The following MBNL1 variants were observed in gnomAD, a reference collection of about 807,000 sequenced individuals.
The protein encoded by MBNL1 is muscleblind-like protein 1.
In MBNL1, 8 loss-of-function variants were observed where a neutral mutation model predicts 42.2. That is an observed-to-expected ratio of 0.19 (90% CI 0.11 to 0.34). The LOEUF (loss-of-function observed/expected upper bound fraction) is 0.34, where lower values mean the gene tolerates loss of function less well. Among genes scored for constraint, MBNL1 ranks in the 10% least tolerant of loss-of-function variants. MBNL1 has a pLI of 1.00. For missense variants in MBNL1, 309 were observed against 495.3 expected (o/e 0.62, Z 3.57); for synonymous variants, 169 against 173.9 (o/e 0.97, Z 0.22).
chr3:152,329,290 C>T (rs939097438), intron 2 of MBNL1, among the ~76,000 whole-genome samples: 1 of 151,698 alleles, frequency 6.6e-6, no homozygotes, highest in Non-Finnish European at 1.5e-5. Context: ...TTATAAAATG[C>T]CTGTTAAAAT....
At chr3:152,250,194 G>A (rs369629282) in intron 2 of MBNL1, among the ~76,000 whole-genome samples, 2 of 151,104 alleles carry the variant, frequency 1.3e-5, no homozygotes, top group African/African-American at 2.4e-5. Flanking sequence ...CATTGAATCT[G>A]TAAATTACCT....
At chr3:152,340,262 C>T in intron 2 of MBNL1, 1 of 365,440 alleles carries the variant, frequency 2.7e-6, no homozygotes, top group Non-Finnish European at 4.9e-6. Context: ...GTCGAGGCTG[C>T]AGGCATCACT....
At chr3:152,349,754 T>C (rs2094719108) in intron 2 of MBNL1, among the ~76,000 whole-genome samples, 1 of 133,376 alleles carries the variant, frequency 7.5e-6, no homozygotes, top group African/African-American at 2.9e-5. Context: ...GCACAGTAAA[T>C]TGTCTGTGTG....
intron 2 of MBNL1, among the ~76,000 whole-genome samples, chr3:152,364,674 T>A (rs2096245408): frequency 6.6e-6 from 1 of 152,134 alleles, no homozygotes; most frequent in African/African-American, 2.4e-5. Flanking sequence ...CAAACCCAGT[T>A]TTACTAACAT....
At chr3:152,430,284 T>G (rs750325223) in intron 3 of MBNL1, among the ~76,000 whole-genome samples, 50 of 152,336 alleles carry the variant, frequency 3.3e-4, no homozygotes, top group Middle Eastern at 3.4e-3. Context: ...CATTTTTAAA[T>G]TTGACCTTTG....
At chr3:152,452,504 A>G (rs1725381254) in intron 6 of MBNL1, among the ~76,000 whole-genome samples, 1 of 152,094 alleles carries the variant, frequency 6.6e-6, no homozygotes, top group South Asian at 2.1e-4. Flanking sequence ...CTCACTGCTG[A>G]TGTGATCATT....
chr3:152,361,333 A>G (rs1017563097), intron 2 of MBNL1, among the ~76,000 whole-genome samples: 1 of 151,880 alleles, frequency 6.6e-6, no homozygotes, highest in African/African-American at 2.4e-5. Flanking sequence ...ATGGAAACAG[A>G]AGACAGAGAG....
chr3:152,456,915 T>C (rs1326030755), intron 8 of MBNL1, among the ~76,000 whole-genome samples: 1 of 152,166 alleles, frequency 6.6e-6, no homozygotes, highest in Admixed American at 6.5e-5. Flanking sequence ...TTATTCTCAA[T>C]GCTTTCAGTG....
At chr3:152,324,117 C>G (rs1257491178) in intron 2 of MBNL1, among the ~76,000 whole-genome samples, 1 of 152,132 alleles carries the variant, frequency 6.6e-6, no homozygotes, top group African/African-American at 2.4e-5. Context: ...AATCGTTTAG[C>G]AGGAAATCAC....
intron 2 of MBNL1, among the ~76,000 whole-genome samples, chr3:152,248,877 T>C (rs2149374324): frequency 6.6e-6 from 1 of 152,180 alleles, no homozygotes; most frequent in Non-Finnish European, 1.5e-5. Context: ...GTTTGGTTTT[T>C]TGTTCTTGCG....
At position 152,391,358 on chromosome 3, in the gene MBNL1, G is replaced by A. The variant is rs532169234; in HGVS notation, c.175-23583G>A. ...ACCATGAAATCTTCATAGCAAGGAC[G>A]GATGTTATGTAACTGCTTAAACTTC... On this transcript the variant is annotated intron_variant, in intron 2 of 9. Transcript: ENST00000324210. Among the ~76,000 whole-genome samples, 114 of 152,316 alleles carry A rather than the reference G, an allele frequency of 7.5e-4. 1 individual carries two copies. Among genetic ancestry groups the A allele is most frequent in the African/African-American group, 2.6e-3 (110 of 41,570 alleles).
At chr3:152,297,706 G>T (rs2059236345) in intron 1 of MBNL1, among the ~76,000 whole-genome samples, 1 of 151,850 alleles carries the variant, frequency 6.6e-6, no homozygotes, top group African/African-American at 2.4e-5. Context: ...ACCCAAGCTG[G>T]AGTGCAGTGG....
chr3:152,429,011 A>G (rs2098972431), intron 3 of MBNL1, among the ~76,000 whole-genome samples: 1 of 152,198 alleles, frequency 6.6e-6, no homozygotes, highest in Non-Finnish European at 1.5e-5. Context: ...TTGAGCGCCT[A>G]CTGTGTGCCA....
chr3:152,364,112 ACTC>A (rs2096197839), intron 2 of MBNL1, among the ~76,000 whole-genome samples: 1 of 151,998 alleles, frequency 6.6e-6, no homozygotes, highest in Non-Finnish European at 1.5e-5. Context: ...TTCATGGACA[ACTC>A]CTGGAAGCTA....
chr3:152,316,039 G>T (rs769425577), intron 2 of MBNL1, among the ~76,000 whole-genome samples: 1 of 152,076 alleles, frequency 6.6e-6, no homozygotes, highest in Non-Finnish European at 1.5e-5. Context: ...TCACATTGTG[G>T]CCCCAAGGGT....
chr3:152,412,389 G>A (rs2098601962), intron 2 of MBNL1, among the ~76,000 whole-genome samples: 1 of 151,906 alleles, frequency 6.6e-6, no homozygotes. Context: ...TAATTTCTGG[G>A]CCCTCAAACC....
intron 2 of MBNL1, among the ~76,000 whole-genome samples, chr3:152,258,743 C>T (rs977439348): frequency 3.9e-5 from 6 of 152,206 alleles, no homozygotes; most frequent in Non-Finnish European, 7.3e-5. Context: ...TTTACTTCAT[C>T]GGCTGCTTCT....
At chr3:152,390,211 A>T (rs1047771070) in intron 2 of MBNL1, among the ~76,000 whole-genome samples, 18 of 151,444 alleles carry the variant, frequency 1.2e-4, no homozygotes, top group Non-Finnish European at 2.5e-4. Context: ...ATGCAAACAG[A>T]TTGTACATCT....
At chr3:152,384,156 A>G (rs2097306467) in intron 2 of MBNL1, among the ~76,000 whole-genome samples, 2 of 152,152 alleles carry the variant, frequency 1.3e-5, no homozygotes, top group Non-Finnish European at 2.9e-5. Flanking sequence ...TTTATTTTTA[A>G]GGAAAGTTAC....
Sources: gnomAD v4.1 joint callset for allele counts (sites outside exome capture counted in the v4.1 genomes callset) on GRCh38, gnomAD v4.1.1 for gene constraint, MANE v1.5 for transcripts, NCBI Gene and HGNC (gene_info 2026-07-23, HGNC 2026-07-21) for gene names.